Variants in LRBA observed in about 807,000 individuals in gnomAD.
LRBA encodes LPS responsive beige-like anchor protein, also known as lipopolysaccharide-responsive and beige-like anchor protein.
LRBA carries 176 observed loss-of-function variants against 330.0 expected under a neutral mutation model. That is an observed-to-expected ratio of 0.53 (90% CI 0.47 to 0.60). The LOEUF (loss-of-function observed/expected upper bound fraction) is 0.60. Ranked by LOEUF, LRBA falls within the 20% of genes least tolerant of loss-of-function variation. LRBA has a pLI of 0.00. For synonymous variants in LRBA, 1,230 were observed against 1,193.0 expected (o/e 1.03, Z -0.64); for missense variants, 3,259 against 3,444.8 (o/e 0.95, Z 1.35).
intron 37 of LRBA, among the ~76,000 whole-genome samples, chr4:150,674,221 CA>C (rs1405021147): frequency 6.7e-6 from 1 of 149,946 alleles, no homozygotes; most frequent in East Asian, 1.9e-4. Flanking sequence ...AATTTGAAAA[CA>C]GGCTAAAGAA....
At chr4:150,635,919 T>G (rs1777851998) in intron 37 of LRBA, among the ~76,000 whole-genome samples, 2 of 152,176 alleles carry the variant, frequency 1.3e-5, no homozygotes, top group African/African-American at 4.8e-5. Context: ...TTTAAGACAC[T>G]GACATTTAGA....
chr4:150,455,900 C>A (rs1028034622), intron 44 of LRBA, among the ~76,000 whole-genome samples: 2 of 152,098 alleles, frequency 1.3e-5, no homozygotes, highest in Non-Finnish European at 2.9e-5. Flanking sequence ...TAGATCCTCA[C>A]AAGTAAGTGA....
intron 49 of LRBA, among the ~76,000 whole-genome samples, chr4:150,324,190 G>T (rs1477781951): frequency 6.6e-6 from 1 of 152,134 alleles, no homozygotes; most frequent in African/African-American, 2.4e-5. Context: ...ATGGAAGAAG[G>T]CTGGGCAGTG....
chr4:150,318,144 C>T lies in LRBA; in HGVS notation c.7631-2521G>A, dbSNP rs562732888. On this transcript the variant is annotated intron_variant, in intron 50 of 56. Coordinates refer to ENST00000651943, the MANE Select transcript of LRBA (RefSeq NM_001364905.1). ...TTTTCTCACTCGGATTTTATGACCACCTCTCCCCTCTTTCATTAGAGCAGG... is the reference window on the plus strand; with the variant it reads ...TTTTCTCACTCGGATTTTATGACCATCTCTCCCCTCTTTCATTAGAGCAGG... Among the ~76,000 whole-genome samples the T allele has an allele frequency of 8.1e-4, 124 of 152,200 alleles. 1 individual carries two copies. Among genetic ancestry groups the T allele is most frequent in the African/African-American group, 2.7e-3 (111 of 41,534 alleles).
intron 36 of LRBA, among the ~76,000 whole-genome samples, chr4:150,716,462 A>G (rs1728216909): frequency 6.6e-6 from 1 of 152,220 alleles, no homozygotes; most frequent in African/African-American, 2.4e-5. Context: ...TTTTACATCT[A>G]TAGTTATTTC....
At chr4:150,339,364 A>C (rs1735181896) in intron 48 of LRBA, among the ~76,000 whole-genome samples, 1 of 152,190 alleles carries the variant, frequency 6.6e-6, no homozygotes, top group African/African-American at 2.4e-5. Flanking sequence ...GTTGAGAAAG[A>C]ACATGGCCAA....
intron 8 of LRBA, 104 bp downstream of exon 8, chr4:150,915,504 G>A: frequency 2.0e-6 from 2 of 986,864 alleles, no homozygotes; most frequent in Non-Finnish European, 2.9e-6. Context: ...ATCTACCATT[G>A]TAATACTTTG....
upstream of LRBA, chr4:151,015,718 G>C (rs557936718): frequency 5.3e-5 from 8 of 151,804 alleles, no homozygotes; most frequent in Non-Finnish European, 1.0e-4. Flanking sequence ...CCATGACAGC[G>C]CCGAGTGCTG....
chr4:150,890,918 T>A lies in LRBA; in HGVS notation c.2165+2134A>T, dbSNP rs185502701. On this transcript the variant is annotated intron_variant, in intron 17 of 56. Transcript: ENST00000651943. ...TACTATCTTGCAATTATTTTTTTTT[T>A]TAAAAGTGGTAAAATCCTATACAGT... Among the ~76,000 whole-genome samples, 1,294 of 152,028 alleles carry A rather than the reference T, an allele frequency of 8.5e-3. 15 individuals carry two copies. Among genetic ancestry groups the A allele is most frequent in the African/African-American group, 0.025 (1,021 of 41,420 alleles).
intron 36 of LRBA, among the ~76,000 whole-genome samples, chr4:150,707,022 AAAGCAAAATACAG>A (rs1785695762): frequency 6.6e-6 from 1 of 151,810 alleles, no homozygotes; most frequent in African/African-American, 2.4e-5. Flanking sequence ...TTAAGTTTAA[AAAGCAAAATACAG>A]AACATTATTT....
intron 37 of LRBA, among the ~76,000 whole-genome samples, chr4:150,626,904 T>C (rs969298201): frequency 5.9e-5 from 9 of 152,246 alleles, no homozygotes; most frequent in African/African-American, 2.2e-4. Flanking sequence ...TTTTAAAAGA[T>C]AATATTCTTT....
chr4:150,900,239 C>G (rs1461026666), intron 13 of LRBA, 22 bp from the exon 14 acceptor site: 1 of 1,572,928 alleles, frequency 6.4e-7, no homozygotes, highest in Non-Finnish European at 8.7e-7. Context: ...AAATGAAGAA[C>G]TTAGAGAACC....
chr4:150,571,627 T>C (rs1769848730), intron 40 of LRBA, among the ~76,000 whole-genome samples: 1 of 149,270 alleles, frequency 6.7e-6, no homozygotes, highest in Non-Finnish European at 1.5e-5. Context: ...ACCTTTAGTA[T>C]GCATTAACCT....
chr4:150,851,965 C>G lies in LRBA; in HGVS notation c.3745G>C (p.Val1249Leu). 1.2e-6 allele frequency: 2 copies of G among 1,614,148 alleles called. No homozygotes were observed. Among genetic ancestry groups the G allele is most frequent in the Non-Finnish European group, 1.7e-6 (2 of 1,179,996 alleles). ...QKIAKLDVSN[V>L]ATDTERLELK... ...TCCAGCCTCTCAGTATCTGTAGCAA[C>G]ATTGGAAACATCCAACTTCGCAATC... Residue 1249 changes from valine to leucine, a missense_variant, in exon 23 of 57, where the codon GTT becomes CTT. Physicochemically the swap from Val to Leu is conservative, Grantham distance 32. Transcript: ENST00000651943.
At position 150,487,652 on chromosome 4, in the gene LRBA, A is replaced by C. The variant is rs1172509513; in HGVS notation, c.6551+80T>G. On this transcript the variant is annotated intron_variant, in intron 42 of 56. Coordinates refer to ENST00000651943, the MANE Select transcript of LRBA (RefSeq NM_001364905.1). ...GAGAACATTAATACAGATTAATGTT[A>C]ATAAGAATATTAATACTGGTTAATT... 14 of 706,730 alleles carry C rather than the reference A, an allele frequency of 2.0e-5. No individual in the cohort carries two copies. The Admixed American group carries it at 3.2e-4, about 16-fold the overall frequency. 43.8% of individuals were successfully genotyped at this position (706,730 alleles called of 1,614,324 possible).
intron 34 of LRBA, among the ~76,000 whole-genome samples, chr4:150,775,173 AAAG>A (rs1737102538): frequency 6.6e-6 from 1 of 152,200 alleles, no homozygotes; most frequent in African/African-American, 2.4e-5. Flanking sequence ...TCTGATCTAC[AAAG>A]AAGGGTAGTC....
In LRBA at chr4:150,657,613, G is replaced by C. The variant is rs534520430; in HGVS notation, c.5921+25938C>G. On this transcript the variant is annotated intron_variant, in intron 37 of 56. Transcript: ENST00000651943. ...TTTTAAAAAAATACAAGAATTCATA[G>C]TACAGTTTCCCCAAAACTAAGATTA... Among the ~76,000 whole-genome samples the C allele has an allele frequency of 9.2e-5, 14 of 152,006 alleles. No individual in the cohort carries two copies. The South Asian group carries it at 1.5e-3, about 16-fold the overall frequency.
chr4:150,831,411 A>G (rs1747168309), intron 29 of LRBA, among the ~76,000 whole-genome samples: 1 of 152,160 alleles, frequency 6.6e-6, no homozygotes, highest in Admixed American at 6.5e-5. Context: ...TTTGGGTGGT[A>G]GCTACTTCTA....
intron 47 of LRBA, among the ~76,000 whole-genome samples, chr4:150,373,170 TGTGAGAGA>T (rs1269541080): frequency 1.6e-4 from 18 of 111,552 alleles, no homozygotes; most frequent in African/African-American, 5.2e-4. Flanking sequence ...TGTGTGTGTG[TGTGAGAGA>T]GAGAGAGAGA....
Sources: allele counts gnomAD v4.1 joint callset (sites outside exome capture counted in the v4.1 genomes callset), GRCh38; gene constraint gnomAD v4.1.1; transcripts MANE v1.5; gene names NCBI Gene and HGNC (gene_info 2026-07-23, HGNC 2026-07-21).